CHST3: variants seen among roughly 807,000 people sequenced by gnomAD.
The protein encoded by CHST3 is C6ST-1.
In CHST3, 20 loss-of-function variants were observed where a neutral mutation model predicts 35.4. That is an observed-to-expected ratio of 0.57 (90% CI 0.40 to 0.82). The LOEUF (loss-of-function observed/expected upper bound fraction) is 0.82. Ranked by LOEUF, CHST3 falls within the 40% of genes least tolerant of loss-of-function variation. CHST3 has a pLI of 0.00. For missense variants in CHST3, 693 were observed against 670.1 expected, an observed-to-expected ratio of 1.03 and a Z score of -0.38; for synonymous variants, 334 against 295.9, an observed-to-expected ratio of 1.13 and a Z score of -1.32.
chr10:71,976,058 C>A (rs888222427), intron 1 of CHST3, among the ~76,000 whole-genome samples: 1 of 152,220 alleles, frequency 6.6e-6, no homozygotes, highest in Non-Finnish European at 1.5e-5. Flanking sequence ...CACTGGGTAG[C>A]ACAGCCCTGT....
At chr10:71,997,990 G>T (rs1839956959) in intron 1 of CHST3, among the ~76,000 whole-genome samples, 2 of 152,086 alleles carry the variant, frequency 1.3e-5, no homozygotes, top group Admixed American at 1.3e-4. Context: ...AAGAAAAAAT[G>T]TAGCCAGGCG....
chr10:72,003,264 A>G (rs1167512399), intron 1 of CHST3, among the ~76,000 whole-genome samples: 1 of 152,232 alleles, frequency 6.6e-6, no homozygotes. Flanking sequence ...GGCACAGACC[A>G]TACCTGCTTG....
At position 72,007,286 on chromosome 10, in the gene CHST3, A is replaced by T. The variant is rs766408307; in HGVS notation, c.255A>T (p.Ser85=). 1 of 1,614,048 alleles carries T rather than the reference A, an allele frequency of 6.2e-7. No homozygotes were observed. Among genetic ancestry groups the T allele is most frequent in the Non-Finnish European group, 8.5e-7 (1 of 1,179,980 alleles). ...TCTTGTCCCTGAGCGAGCTCGATTCAGCCTTCTCCCAGCTTCAGAGCCGTC... is the reference window on the plus strand; with the variant it reads ...TCTTGTCCCTGAGCGAGCTCGATTCTGCCTTCTCCCAGCTTCAGAGCCGTC... ...ASLLSLSELD[S]AFSQLQSRLR... is the part of the protein sequence containing the mutation. Residue 85 remains serine (S), a synonymous_variant, in exon 3 of 3, where the codon TCA becomes TCT. Coordinates refer to ENST00000373115, the MANE Select transcript of CHST3 (RefSeq NM_004273.5).
intron 1 of CHST3, among the ~76,000 whole-genome samples, chr10:71,996,495 CT>C (rs1177875342): frequency 8.8e-5 from 13 of 147,238 alleles, no homozygotes; most frequent in East Asian, 7.9e-4. Context: ...TATACACCCA[CT>C]TTTTTTTTTA....
chr10:71,991,282 C>T (rs1839894253), intron 1 of CHST3, among the ~76,000 whole-genome samples: 1 of 152,236 alleles, frequency 6.6e-6, no homozygotes, highest in South Asian at 2.1e-4. Flanking sequence ...AATTCACCCA[C>T]ACAGTATATT....
Position 72,007,664 on chromosome 10 carries a change from C to T in CHST3, c.633C>T (p.Pro211=). Residue 211 remains proline, a synonymous_variant, in exon 3 of 3, where the codon CCC becomes CCT. Transcript: ENST00000373115. ...TGGAGCACTTCATCACGCCGCTGCCCGAGGACCACCTGACTCAGTTCATGT... is the reference window on the plus strand; with the variant it reads ...TGGAGCACTTCATCACGCCGCTGCCTGAGGACCACCTGACTCAGTTCATGT... ...YVLEHFITPL[P]EDHLTQFMFR... is the part of the protein sequence containing the mutation. 5 of 1,609,198 alleles carry T rather than the reference C, an allele frequency of 3.1e-6. No homozygotes were observed. The highest frequency in any genetic ancestry group is 3.4e-6 in the Non-Finnish European group (4 of 1,179,478).
intron 1 of CHST3, among the ~76,000 whole-genome samples, chr10:71,978,410 AACATGCTGGGCCCC>A (rs1839768448): frequency 6.7e-6 from 1 of 150,236 alleles, no homozygotes. Flanking sequence ...TTGGATCTCC[AACATGCTGGGCCCC>A]AGTCACCAGA....
chr10:72,007,613 G>T lies in CHST3; in HGVS notation c.582G>T (p.Gln194His), dbSNP rs759873741. Residue 194 changes from glutamine (Q) to histidine (H), a missense_variant, in exon 3 of 3, where the codon CAG becomes CAT. Transcript: ENST00000373115. Reference sequence around the variant, plus strand: ...TGGTGTACCGCGACGTGCTCAAGCAGCTCTTCCTGTGCGACCTGTACGTGC... The same window carrying T: ...TGGTGTACCGCGACGTGCTCAAGCATCTCTTCCTGTGCGACCTGTACGTGC... ...SALVYRDVLK[Q>H]LFLCDLYVLE... 3.9e-5 allele frequency: 63 copies of T among 1,610,054 alleles called. 2 individuals carry two copies. The South Asian group carries it at 6.7e-4, about 17-fold the overall frequency.
At chr10:71,964,863 G>A (rs1199456057) in intron 1 of CHST3, among the ~76,000 whole-genome samples, 169 bp downstream of exon 1, 26 of 152,220 alleles carry the variant, frequency 1.7e-4, no homozygotes, top group Admixed American at 1.6e-3. Context: ...GCCCAGGCAG[G>A]CACCCACAAC....
chr10:71,990,531 T>G (rs1348821820), intron 1 of CHST3, among the ~76,000 whole-genome samples: 1 of 152,194 alleles, frequency 6.6e-6, no homozygotes, highest in Non-Finnish European at 1.5e-5. Context: ...GCCCAGCTAA[T>G]TTTGTATTTT....
Position 72,008,499 on chromosome 10 carries a change from T to C in CHST3, c.*28T>C. On this transcript the variant is annotated 3_prime_UTR_variant, in exon 3 of 3. Coordinates refer to ENST00000373115, the MANE Select transcript of CHST3 (RefSeq NM_004273.5). Reference sequence around the variant, plus strand: ...GGGCCGGGGCCCCGTATGCCCCTCCTCGTGAAAGGCCTGCCCCGTCTTTCT... The same window carrying C: ...GGGCCGGGGCCCCGTATGCCCCTCCCCGTGAAAGGCCTGCCCCGTCTTTCT... 1 of 1,487,482 alleles carries C rather than the reference T, an allele frequency of 6.7e-7. No individual in the cohort carries two copies. The highest frequency in any genetic ancestry group is 1.4e-5 in the South Asian group (1 of 73,854). 92.1% of individuals were successfully genotyped at this position (1,487,482 alleles called of 1,614,324 possible).
intron 1 of CHST3, among the ~76,000 whole-genome samples, chr10:72,000,479 T>TG (rs898562825): frequency 4.6e-5 from 7 of 151,824 alleles, no homozygotes; most frequent in South Asian, 2.1e-4. Context: ...ACTCCAGAGC[T>TG]GGGGGGGCAT....
rs888526078 is a variant in CHST3, at chr10:71,986,312, G to A, written c.-107-19424G>A. ...GAGCTTTAAGTAATCTTGATGCCCA[G>A]GCCACACCAATGCAATCTGAATCTG... On this transcript the variant is annotated intron_variant, in intron 1 of 2. Coordinates refer to ENST00000373115, the MANE Select transcript of CHST3 (RefSeq NM_004273.5). Among the ~76,000 whole-genome samples, 30 of 152,142 alleles carry A rather than the reference G, an allele frequency of 2.0e-4. 1 individual carries two copies. The highest frequency in any genetic ancestry group is 7.0e-4 in the African/African-American group (29 of 41,418).
chr10:72,007,341 G>T lies in CHST3; in HGVS notation c.310G>T (p.Glu104Ter), dbSNP rs768241603. 1 of 1,609,816 alleles carries T rather than the reference G, an allele frequency of 6.2e-7. No individual in the cohort carries two copies. Among genetic ancestry groups the T allele is most frequent in the Non-Finnish European group, 8.5e-7 (1 of 1,178,170 alleles). The change falls in exon 3 of 3, where the codon GAG becomes TAG. Residue 104 changes from glutamate (E) to a stop codon, truncating the protein, a stop_gained. Coordinates refer to ENST00000373115, the MANE Select transcript of CHST3 (RefSeq NM_004273.5). LOFTEE classifies it high-confidence loss of function. The stretch of plus-strand genomic sequence containing the variant: ...CAACCTCAGCTTGCAGCTGGGCGTG[G>T]AGCCAGCCATGGAGGCCGCAGGGGA... ...LRNLSLQLGV[E>*]PAMEAAGEEE... is the part of the protein sequence containing the mutation.
At chr10:72,006,083 C>A in intron 2 of CHST3, 101 bp downstream of exon 2, 1 of 1,443,994 alleles carries the variant, frequency 6.9e-7, no homozygotes. Context: ...AAATGCATTC[C>A]TTCAACGAGC....
At chr10:71,969,287 C>T (rs2131735875) in intron 1 of CHST3, among the ~76,000 whole-genome samples, 1 of 152,330 alleles carries the variant, frequency 6.6e-6, no homozygotes, top group East Asian at 1.9e-4. Flanking sequence ...ACATGAGGCT[C>T]AGAGAGGTGC....
At chr10:72,000,948 A>G (rs892609983) in intron 1 of CHST3, among the ~76,000 whole-genome samples, 1 of 152,004 alleles carries the variant, frequency 6.6e-6, no homozygotes, top group Non-Finnish European at 1.5e-5. Context: ...AGAAGCCCAC[A>G]CCAGCCACAC....
Position 72,009,112 on chromosome 10 carries a change from T to G in CHST3, c.*641T>G, listed in dbSNP as rs1479216496. On this transcript the variant is annotated 3_prime_UTR_variant, in exon 3 of 3. Coordinates refer to ENST00000373115, the MANE Select transcript of CHST3 (RefSeq NM_004273.5). ...ACACATGCGTATAGACATACATACA[T>G]GTACACCATACATAGACAAGCATCA... The G allele has an allele frequency of 1.3e-5, 2 of 152,420 alleles. No individual in the cohort carries two copies. Among genetic ancestry groups the G allele is most frequent in the South Asian group, 4.1e-4 (2 of 4,830 alleles). The allele number at this position is 152,420 out of a possible 1,614,324, so 9.4% of individuals were successfully genotyped here. A position where few individuals can be genotyped will look rare whatever the true frequency, so the allele number is the denominator to read the frequency against.
intron 1 of CHST3, among the ~76,000 whole-genome samples, chr10:72,002,536 C>T (rs1347593930): frequency 1.3e-5 from 2 of 152,214 alleles, no homozygotes; most frequent in African/African-American, 2.4e-5. Flanking sequence ...ATGCTACAAA[C>T]AGGCCCAGAG....
Sources: gnomAD v4.1 joint callset for allele counts (sites outside exome capture counted in the v4.1 genomes callset) on GRCh38, gnomAD v4.1.1 for gene constraint, MANE v1.5 for transcripts, NCBI Gene and HGNC (gene_info 2026-07-23, HGNC 2026-07-21) for gene names.